The following SERPINE3 variants were observed in gnomAD, a reference collection of about 807,000 sequenced individuals.
The protein encoded by SERPINE3 is serpin E3.
Under a neutral mutation model 41.7 loss-of-function variants are expected in SERPINE3, and 43 were observed. The ratio of observed to expected loss-of-function variants is 1.03; its 90% CI spans 0.81 to 1.33. The LOEUF (loss-of-function observed/expected upper bound fraction) is 1.33, where lower values mean the gene tolerates loss of function less well. SERPINE3 is among the 40% of genes most tolerant of loss of function. The pLI, the probability that SERPINE3 is intolerant of heterozygous loss-of-function variation, is 0.00. For missense variants in SERPINE3, 440 were observed against 491.7 expected, an observed-to-expected ratio of 0.89 and a Z score of 0.99; for synonymous variants, 200 against 192.2, an observed-to-expected ratio of 1.04 and a Z score of -0.34.
intron 6 of SERPINE3, among the ~76,000 whole-genome samples, chr13:51,348,846 G>T (rs996813306): frequency 1.3e-5 from 2 of 152,212 alleles, no homozygotes; most frequent in Non-Finnish European, 2.9e-5. Flanking sequence ...TTACGTAATT[G>T]AGCAAGTACA....
chr13:51,361,802 T>C lies in SERPINE3; in HGVS notation c.1088-8T>C. 6.3e-7 allele frequency: 1 copy of C among 1,578,702 alleles called. No homozygotes were observed. Among genetic ancestry groups the C allele is most frequent in the Non-Finnish European group, 8.6e-7 (1 of 1,168,410 alleles). On this transcript the variant is annotated splice_polypyrimidine_tract_variant and splice_region_variant and intron_variant, in intron 8 of 9. Transcript: ENST00000681248. ...AAATGCAATGGAATTTTTCTTTCTT[T>C]CCTGCAGCTCTGTTGTTATTGAAAA...
intron 6 of SERPINE3, among the ~76,000 whole-genome samples, chr13:51,351,975 TC>T (rs1457099395): frequency 6.6e-6 from 1 of 152,160 alleles, no homozygotes. Flanking sequence ...TTCTGGACTT[TC>T]AATTCTATCC....
Position 51,348,135 on chromosome 13 carries a change from G to A in SERPINE3, c.701-78G>A, listed in dbSNP as rs1452650927. 1.2e-5 allele frequency: 13 copies of A among 1,129,048 alleles called. No individual in the cohort carries two copies. The Admixed American group carries it at 2.7e-4, about 24-fold the overall frequency. The allele number at this position is 1,129,048 out of a possible 1,614,324, so 69.9% of individuals were successfully genotyped here. A position where few individuals can be genotyped will look rare whatever the true frequency, so the allele number is the denominator to read the frequency against. On this transcript the variant is annotated intron_variant, in intron 5 of 9. Transcript: ENST00000681248. ...TTATTGTTTCCAGTCCTCTGAGCCAGCCTCTCTCAGGGTCCGACACTGGTT... is the reference window on the plus strand; with the variant it reads ...TTATTGTTTCCAGTCCTCTGAGCCAACCTCTCTCAGGGTCCGACACTGGTT...
chr13:51,348,319 CCT>C lies in SERPINE3; in HGVS notation c.808_809del (p.Leu270GlufsTer32), dbSNP rs1400182143. Reference sequence around the variant, plus strand: ...TGCTGCCCCGTGACAAAGACACCCCCCTGAGCCACATCGAGCCACACCTCACA... The same window carrying C: ...TGCTGCCCCGTGACAAAGACACCCCCGAGCCACATCGAGCCACACCTCACA... Reference protein sequence around the residue: ...LVLPRDKDTPLSHIEPHLTAS... With the variant: ...LVLPRDKDTPXSHIEPHLTAS... On this transcript the variant is annotated frameshift_variant, in exon 6 of 10. Coordinates refer to ENST00000681248, the MANE Select transcript of SERPINE3 (RefSeq NM_001386375.1). LOFTEE classifies it high-confidence loss of function. The C allele has an allele frequency of 3.1e-6, 5 of 1,613,738 alleles. No individual in the cohort carries two copies. The highest frequency in any genetic ancestry group is 2.2e-5 in the East Asian group (1 of 44,848).
chr13:51,356,214 G>A (rs961809474), intron 7 of SERPINE3, among the ~76,000 whole-genome samples: 3 of 152,104 alleles, frequency 2.0e-5, no homozygotes, highest in Non-Finnish European at 2.9e-5. Flanking sequence ...TGGGCATTGT[G>A]TCCACAACGA....
At chr13:51,356,944 T>C (rs1955490163) in intron 7 of SERPINE3, among the ~76,000 whole-genome samples, 1 of 152,186 alleles carries the variant, frequency 6.6e-6, no homozygotes, top group Admixed American at 6.5e-5. Context: ...TGCCAGTCTG[T>C]TAATTTTCTC....
chr13:51,340,953 C>T (rs906772651), intron 2 of SERPINE3, 92 bp downstream of exon 2: 84 of 917,864 alleles, frequency 9.2e-5, no homozygotes, highest in Middle Eastern at 6.7e-4. Context: ...CTCAATGCAT[C>T]TCTCCCTCAG....
At chr13:51,347,437 G>C (rs1412674432) in intron 5 of SERPINE3, among the ~76,000 whole-genome samples, 1 of 152,144 alleles carries the variant, frequency 6.6e-6, no homozygotes, top group Non-Finnish European at 1.5e-5. Context: ...TGCTCTGACA[G>C]GACAGTGAGG....
At chr13:51,345,891 C>T (rs1422435594) in intron 4 of SERPINE3, among the ~76,000 whole-genome samples, 1 of 151,524 alleles carries the variant, frequency 6.6e-6, no homozygotes, top group Non-Finnish European at 1.5e-5. Flanking sequence ...GCTCAGAGCA[C>T]AGAGTCCAGA....
At chr13:51,352,962 A>G (rs143712010) in intron 6 of SERPINE3, among the ~76,000 whole-genome samples, 235 of 152,266 alleles carry the variant, frequency 1.5e-3, no homozygotes, top group African/African-American at 5.5e-3. Context: ...CCACTTTGTC[A>G]TGGTGAGATT....
chr13:51,343,014 C>A (rs1244551042), intron 3 of SERPINE3, among the ~76,000 whole-genome samples: 1 of 152,126 alleles, frequency 6.6e-6, no homozygotes, highest in East Asian at 1.9e-4. Flanking sequence ...CCTCTGCAGC[C>A]TCGTTTGGCT....
At chr13:51,346,645 C>T (rs1955349040) in intron 4 of SERPINE3, among the ~76,000 whole-genome samples, 1 of 152,240 alleles carries the variant, frequency 6.6e-6, no homozygotes, top group Non-Finnish European at 1.5e-5. Context: ...TCCCTCTCCA[C>T]ACCCTCATCC....
rs1376777982 is a variant in SERPINE3, at chr13:51,341,142, A to G, written c.51A>G (p.Arg17=). Residue 17 remains arginine (R), a synonymous_variant, in exon 3 of 10, where the codon CGA becomes CGG. Transcript: ENST00000681248. Reference sequence around the variant, plus strand: ...TCCTCTTTCACTCTTGCTGCCTCCGAGCAAATGGCCACCTCCGTGAAGGAA... The same window carrying G: ...TCCTCTTTCACTCTTGCTGCCTCCGGGCAAATGGCCACCTCCGTGAAGGAA... ...TLFLFHSCCL[R]ANGHLREGMT... 1.2e-6 allele frequency: 2 copies of G among 1,613,786 alleles called. No individual in the cohort carries two copies. Among genetic ancestry groups the G allele is most frequent in the Non-Finnish European group, 1.7e-6 (2 of 1,179,874 alleles).
chr13:51,344,382 G>GCCCAC lies in SERPINE3; in HGVS notation c.388_389insCCACC (p.His130ProfsTer62), dbSNP rs1206518496. ...CGCCACTGTCCCCCTGCTTTGTGGA[G>GCCCAC]CACGTCTCCTGGTGGGCTAACAGCA... is the stretch of plus-strand genomic sequence containing the variant. On this transcript the variant is annotated frameshift_variant, in exon 4 of 10. Transcript: ENST00000681248. LOFTEE classifies it high-confidence loss of function. The GCCCAC allele has an allele frequency of 4.3e-6, 7 of 1,613,078 alleles. No homozygotes were observed. Among genetic ancestry groups the GCCCAC allele is most frequent in the Non-Finnish European group, 5.9e-6 (7 of 1,179,538 alleles).
At chr13:51,358,619 T>C (rs1466364054) in intron 7 of SERPINE3, among the ~76,000 whole-genome samples, 3 of 152,138 alleles carry the variant, frequency 2.0e-5, no homozygotes, top group Admixed American at 6.5e-5. Flanking sequence ...TCATCCAGCA[T>C]TTACTAAACA....
intron 7 of SERPINE3, among the ~76,000 whole-genome samples, chr13:51,359,885 T>C (rs951030495): frequency 6.6e-6 from 1 of 152,048 alleles, no homozygotes; most frequent in African/African-American, 2.4e-5. Flanking sequence ...TTAAAGACCC[T>C]AGAGAAAAAG....
intron 9 of SERPINE3, 197 bp downstream of exon 9, chr13:51,362,090 A>G (rs1315876406): frequency 4.7e-5 from 72 of 1,517,784 alleles, no homozygotes. Context: ...CTTATCCTCC[A>G]TGTTTTTTAC....
At chr13:51,353,027 T>G (rs531286200) in intron 6 of SERPINE3, among the ~76,000 whole-genome samples, 30 of 152,196 alleles carry the variant, frequency 2.0e-4, no homozygotes, top group Non-Finnish European at 3.8e-4. Flanking sequence ...TGCATCTATA[T>G]TCATAAGGTA....
chr13:51,350,956 T>C (rs542853393), intron 6 of SERPINE3, among the ~76,000 whole-genome samples: 5 of 152,330 alleles, frequency 3.3e-5, no homozygotes, highest in Admixed American at 1.3e-4. Flanking sequence ...TCAAGGTTCA[T>C]AGTAGCATGA....
Sources: gnomAD v4.1 joint callset for allele counts (sites outside exome capture counted in the v4.1 genomes callset) on GRCh38, gnomAD v4.1.1 for gene constraint, MANE v1.5 for transcripts, NCBI Gene and HGNC (gene_info 2026-07-23, HGNC 2026-07-21) for gene names.